GRIA4: variants seen among roughly 807,000 people sequenced by gnomAD.
The protein encoded by GRIA4 is glutamate ionotropic receptor AMPA type subunit 4.
In GRIA4, 34 loss-of-function variants were observed where a neutral mutation model predicts 104.0. The ratio of observed to expected loss-of-function variants is 0.33; its 90% CI spans 0.25 to 0.44. The LOEUF (loss-of-function observed/expected upper bound fraction) is 0.44. GRIA4 is among the 20% of genes least tolerant of loss of function. The probability of loss-of-function intolerance (pLI) is 1.00; values close to 1 mark genes in which losing one functional copy is unlikely to be tolerated. For synonymous variants in GRIA4, 386 were observed against 381.9 expected (o/e 1.01, Z -0.13); for missense variants, 750 against 1,096.5 (o/e 0.68, Z 4.46).
Position 105,692,992 on chromosome 11 carries a change from T to C in GRIA4, c.248-59989T>C, listed in dbSNP as rs151305327. Among the ~76,000 whole-genome samples the C allele has an allele frequency of 3.4e-4, 52 of 152,346 alleles. 2 individuals carry two copies. Among genetic ancestry groups the C allele is most frequent in the African/African-American group, 1.2e-3 (50 of 41,590 alleles). On this transcript the variant is annotated intron_variant, in intron 3 of 16. Coordinates refer to ENST00000282499, the MANE Select transcript of GRIA4 (RefSeq NM_000829.4). ...CTCTGAAGTCATCATATTCTGCTAT[T>C]AAAGAGCTTGATCATATCTGCCTCA...
intron 4 of GRIA4, among the ~76,000 whole-genome samples, chr11:105,858,376 A>G (rs984025088): frequency 2.0e-5 from 3 of 152,076 alleles, no homozygotes; most frequent in African/African-American, 7.2e-5. Flanking sequence ...AAATGTTCTT[A>G]TAGGTACATA....
chr11:105,818,871 C>T (rs560222264), intron 4 of GRIA4, among the ~76,000 whole-genome samples: 1 of 152,262 alleles, frequency 6.6e-6, no homozygotes, highest in Non-Finnish European at 1.5e-5. Context: ...TTTTAGAAGT[C>T]ATATGTTTTG....
At chr11:105,830,001 G>A (rs1943915095) in intron 4 of GRIA4, among the ~76,000 whole-genome samples, 1 of 151,914 alleles carries the variant, frequency 6.6e-6, no homozygotes, top group Non-Finnish European at 1.5e-5. Context: ...TAAAATCTAA[G>A]CAGTTCATAA....
At position 105,681,827 on chromosome 11, in the gene GRIA4, A is replaced by G. The variant is rs560610185; in HGVS notation, c.247+69393A>G. ...GAAGCTGAAGCTGGTGGATCACTTG[A>G]GGTCAGGAGTTCAAAACCAACCTGG... On this transcript the variant is annotated intron_variant, in intron 3 of 16. Transcript: ENST00000282499. Among the ~76,000 whole-genome samples the G allele has an allele frequency of 7.2e-5, 11 of 152,276 alleles. No individual in the cohort carries two copies. In the East Asian group the frequency reaches 1.5e-3, roughly 21 times the overall value.
chr11:105,917,815 G>GGTGT (rs147308478), intron 10 of GRIA4, among the ~76,000 whole-genome samples: 35,347 of 142,482 alleles, frequency 0.25, 4,513 homozygotes, highest in South Asian at 0.34. Context: ...TTGGTTTAAG[G>GGTGT]GTGTGTGTGT....
rs975357478 is a variant in GRIA4, at chr11:105,714,822, C to T, written c.248-38159C>T. Among the ~76,000 whole-genome samples, 17 of 150,624 alleles carry T rather than the reference C, an allele frequency of 1.1e-4. No homozygotes were observed. The East Asian group carries it at 2.4e-3, about 21-fold the overall frequency. On this transcript the variant is annotated intron_variant, in intron 3 of 16. Transcript: ENST00000282499. Reference sequence around the variant, plus strand: ...ACCCAGAAGAGTGTGTGTGTGTGTTCGTGTGTGTGTGTGTTCTGGCTGTTT... The same window carrying T: ...ACCCAGAAGAGTGTGTGTGTGTGTTTGTGTGTGTGTGTGTTCTGGCTGTTT...
At chr11:105,859,511 G>C (rs1376133369) in intron 4 of GRIA4, among the ~76,000 whole-genome samples, 3 of 152,064 alleles carry the variant, frequency 2.0e-5, no homozygotes, top group African/African-American at 4.8e-5. Flanking sequence ...AGGTAAGTGG[G>C]CATATCTATA....
chr11:105,861,906 G>GT, intron 4 of GRIA4, 118 bp from the exon 5 acceptor site: 1 of 657,776 alleles, frequency 1.5e-6, no homozygotes, highest in East Asian at 2.6e-5. Flanking sequence ...CAGACTTTAA[G>GT]TTTCTAAGCA....
chr11:105,783,120 T>C (rs1275440821), intron 4 of GRIA4, among the ~76,000 whole-genome samples: 3 of 152,222 alleles, frequency 2.0e-5, no homozygotes, highest in African/African-American at 4.8e-5. Context: ...TGAATAATTC[T>C]GTGCTACCCT....
chr11:105,784,480 C>T (rs1941869989), intron 4 of GRIA4, among the ~76,000 whole-genome samples: 1 of 152,176 alleles, frequency 6.6e-6, no homozygotes, highest in Non-Finnish European at 1.5e-5. Flanking sequence ...GCCGTGAGTG[C>T]AGGAGTCTGG....
intron 9 of GRIA4, among the ~76,000 whole-genome samples, chr11:105,907,401 C>A (rs1947079476): frequency 6.6e-6 from 1 of 152,178 alleles, no homozygotes; most frequent in East Asian, 1.9e-4. Flanking sequence ...ATGAGAGACA[C>A]TATGCTGGTG....
chr11:105,860,676 T>C (rs1945188384), intron 4 of GRIA4, among the ~76,000 whole-genome samples: 1 of 152,048 alleles, frequency 6.6e-6, no homozygotes, highest in African/African-American at 2.4e-5. Context: ...AAATGAGAGA[T>C]GGGGCTGGGT....
At chr11:105,733,157 T>A (rs1938708640) in intron 3 of GRIA4, among the ~76,000 whole-genome samples, 4 of 152,190 alleles carry the variant, frequency 2.6e-5, no homozygotes, top group African/African-American at 9.6e-5. Flanking sequence ...ACTTAATACA[T>A]TTTCATACAT....
chr11:105,645,466 C>T (rs1254505669), intron 3 of GRIA4, among the ~76,000 whole-genome samples: 2 of 152,116 alleles, frequency 1.3e-5, no homozygotes, highest in South Asian at 2.1e-4. Context: ...GAGAAAATTC[C>T]GACAGCATCT....
intron 3 of GRIA4, among the ~76,000 whole-genome samples, chr11:105,694,051 A>C (rs1289202566): frequency 1.3e-5 from 2 of 152,224 alleles, no homozygotes; most frequent in African/African-American, 2.4e-5. Context: ...AACCACCAGT[A>C]ACTTCCAATA....
intron 4 of GRIA4, among the ~76,000 whole-genome samples, chr11:105,795,302 G>A (rs1452076453): frequency 8.5e-5 from 13 of 152,082 alleles, no homozygotes; most frequent in Non-Finnish European, 1.9e-4. Flanking sequence ...ATTAAATGAC[G>A]TGACAAGTGA....
intron 3 of GRIA4, among the ~76,000 whole-genome samples, chr11:105,626,266 C>G (rs2135291103): frequency 6.6e-6 from 1 of 152,168 alleles, no homozygotes; most frequent in South Asian, 2.1e-4. Context: ...AGCACACATA[C>G]ACACATACAC....
At chr11:105,729,096 T>C (rs1938414955) in intron 3 of GRIA4, among the ~76,000 whole-genome samples, 1 of 150,266 alleles carries the variant, frequency 6.7e-6, no homozygotes. Flanking sequence ...ACAAAATTGA[T>C]ATACTGCTAG....
At chr11:105,736,062 A>G (rs553309396) in intron 3 of GRIA4, among the ~76,000 whole-genome samples, 1 of 152,300 alleles carries the variant, frequency 6.6e-6, no homozygotes, top group African/African-American at 2.4e-5. Context: ...TTGGTGGCCA[A>G]TGCTTAAAAA....
Sources: allele counts gnomAD v4.1 joint callset (sites outside exome capture counted in the v4.1 genomes callset), GRCh38; gene constraint gnomAD v4.1.1; transcripts MANE v1.5; gene names NCBI Gene and HGNC (gene_info 2026-07-23, HGNC 2026-07-21).